The following AHRR variants were observed in gnomAD, a reference collection of about 807,000 sequenced individuals.
AHRR encodes the protein aryl hydrocarbon receptor repressor.
Under a neutral mutation model 44.0 loss-of-function variants are expected in AHRR, and 28 were observed. The ratio of observed to expected loss-of-function variants is 0.64; its 90% CI spans 0.47 to 0.87. The LOEUF (loss-of-function observed/expected upper bound fraction) is 0.87. Among genes scored for constraint, AHRR ranks in the 40% least tolerant of loss-of-function variants. The pLI is 0.00. For synonymous variants in AHRR, 434 were observed against 407.0 expected (o/e 1.07, Z -0.80); for missense variants, 990 against 953.9 (o/e 1.04, Z -0.50).
rs1734223615 is a variant in AHRR at position 387,653 on chromosome 5, T to TAGAA, written c.351+10937_351+10938insAGAA. Among the ~76,000 whole-genome samples the TAGAA allele has an allele frequency of 6.6e-6, 1 of 152,260 alleles. No individual in the cohort carries two copies. Among genetic ancestry groups the TAGAA allele is most frequent in the Non-Finnish European group, 1.5e-5 (1 of 68,032 alleles). The stretch of plus-strand genomic sequence containing the variant: ...CCTCCTCAGCCTCTTCTGTGGCTTC[T>TAGAA]GACAGCAGCAGTGGTAATACCGGTA... On this transcript the variant is annotated intron_variant, in intron 4 of 10. Coordinates refer to ENST00000684583, the MANE Select transcript of AHRR (RefSeq NM_001377236.1). This position sits in a 1 kb window ranked among gnomAD's most constrained non-coding sequence, Gnocchi z 5.1.
At chr5:371,301 C>T (rs1579633422) in intron 3 of AHRR, among the ~76,000 whole-genome samples, 1 of 152,188 alleles carries the variant, frequency 6.6e-6, no homozygotes, top group African/African-American at 2.4e-5. Flanking sequence ...GATGTTTAAT[C>T]GCAGCACCCA....
chr5:410,403 G>T (rs1396875986), intron 4 of AHRR, among the ~76,000 whole-genome samples: 1 of 152,000 alleles, frequency 6.6e-6, no homozygotes, highest in Non-Finnish European at 1.5e-5. Context: ...GTAGAGACGG[G>T]GTCTCACTAT....
At chr5:390,960 C>A (rs1438678303) in intron 4 of AHRR, among the ~76,000 whole-genome samples, 1 of 152,172 alleles carries the variant, frequency 6.6e-6, no homozygotes, top group Non-Finnish European at 1.5e-5. Flanking sequence ...CCACCAGAAC[C>A]AGCCACAGAA....
At position 427,946 on chromosome 5, in the gene AHRR, T is replaced by C. The variant is rs1327065392; in HGVS notation, c.848T>C (p.Met283Thr). 2.5e-6 allele frequency: 4 copies of C among 1,613,826 alleles called. No individual in the cohort carries two copies. The African/African-American group carries it at 4.0e-5, about 16-fold the overall frequency. Residue 283 changes from methionine (M) to threonine (T), a missense_variant, in exon 8 of 11, where the codon ATG becomes ACG. Physicochemically the swap from Met to Thr is moderately conservative, Grantham distance 81 (BLOSUM62 -1). Transcript: ENST00000684583. ...VLLPSAAEMK[M>T]RSALLRAKPR... ...CTCCCCTCCGCAGCGGAGATGAAAA[T>C]GAGGAGCGCGCTCCTGAGGGCAAAA...
intron 3 of AHRR, chr5:367,869 C>T (rs1004200264): frequency 5.7e-5 from 40 of 702,544 alleles, no homozygotes; most frequent in Non-Finnish European, 4.4e-5. Flanking sequence ...AACGAAGGCC[C>T]ATGTCGTTCA....
chr5:330,609 A>G (rs1741874894), intron 1 of AHRR, among the ~76,000 whole-genome samples: 1 of 152,110 alleles, frequency 6.6e-6, no homozygotes, highest in Admixed American at 6.5e-5. Flanking sequence ...CCTGGCCTCA[A>G]GTGATCCACC....
chr5:324,057 C>CTCTCTCTT (rs1741614065), intron 1 of AHRR, among the ~76,000 whole-genome samples: 1 of 146,262 alleles, frequency 6.8e-6, no homozygotes, highest in African/African-American at 2.8e-5. Context: ...CTCTCTCTCT[C>CTCTCTCTT]TCTTTCTTTC....
At position 366,685 on chromosome 5, in the gene AHRR, A is replaced by G. The variant is rs147195249; in HGVS notation, c.245-9925A>G. Among the ~76,000 whole-genome samples, 154 of 152,302 alleles carry G rather than the reference A, an allele frequency of 1.0e-3. 1 individual carries two copies. In the East Asian group the frequency reaches 0.026, roughly 26 times the overall value. On this transcript the variant is annotated intron_variant, in intron 3 of 10. Coordinates refer to ENST00000684583, the MANE Select transcript of AHRR (RefSeq NM_001377236.1). The stretch of plus-strand genomic sequence containing the variant: ...AGCCCAGCATTCACTGTCCTAAGTG[A>G]TCGATCTTACCCGCCAATAGTGGAA...
At chr5:376,318 C>T (rs1023265255) in intron 3 of AHRR, among the ~76,000 whole-genome samples, 2 of 152,136 alleles carry the variant, frequency 1.3e-5, no homozygotes, top group East Asian at 1.9e-4. Flanking sequence ...GCAGTTTCTG[C>T]AGAGCAGAGC....
chr5:341,317 A>C (rs960746180), intron 1 of AHRR, among the ~76,000 whole-genome samples: 2 of 152,108 alleles, frequency 1.3e-5, no homozygotes, highest in Non-Finnish European at 2.9e-5. Flanking sequence ...GCCTGGCCTC[A>C]GCTCTATAAT....
intron 6 of AHRR, among the ~76,000 whole-genome samples, chr5:423,392 T>C (rs1251357346): frequency 6.6e-6 from 1 of 152,142 alleles, no homozygotes; most frequent in Non-Finnish European, 1.5e-5. Context: ...AGGCGGGGGC[T>C]GTGCTGGGAC....
At chr5:330,210 C>T (rs1009507188) in intron 1 of AHRR, among the ~76,000 whole-genome samples, 7 of 152,098 alleles carry the variant, frequency 4.6e-5, no homozygotes, top group Non-Finnish European at 7.4e-5. Context: ...TTTTCTGCAT[C>T]TATTGAGTTG....
At chr5:348,790 T>C (rs1742764124) in intron 2 of AHRR, among the ~76,000 whole-genome samples, 1 of 152,240 alleles carries the variant, frequency 6.6e-6, no homozygotes. Context: ...CTGTTACAAA[T>C]AAAGCTACCA....
chr5:381,429 AGAGGC>A (rs1733976176), intron 4 of AHRR, among the ~76,000 whole-genome samples: 1 of 151,568 alleles, frequency 6.6e-6, no homozygotes, highest in South Asian at 2.1e-4. Flanking sequence ...GAGTGGTCAA[AGAGGC>A]TATCTGCCTT....
rs756627686 is a variant in AHRR at position 433,981 on chromosome 5, C to G, written c.1241C>G (p.Pro414Arg). ...AAGCACAGTGAGGATGGTGCCAGGC[C>G]GAGGCTGCAGCCCAGCAAGAATGAC... ...AGKHSEDGARPRLQPSKNDPP... is the reference protein window; with the variant it reads ...AGKHSEDGARRRLQPSKNDPP... The change falls in exon 11 of 11, where the codon CCG (proline) becomes CGG (arginine). Residue 414 changes from proline (P) to arginine (R), a missense_variant. Transcript: ENST00000684583. 1 of 1,569,488 alleles carries G rather than the reference C, an allele frequency of 6.4e-7. No homozygotes were observed. The highest frequency in any genetic ancestry group is 1.2e-5 in the South Asian group (1 of 82,482).
intron 4 of AHRR, among the ~76,000 whole-genome samples, chr5:390,735 G>C (rs561485175): frequency 6.6e-6 from 1 of 152,198 alleles, no homozygotes; most frequent in African/African-American, 2.4e-5. Context: ...ATCTCTGTGA[G>C]ATTCCACACC....
At chr5:367,932 G>C (rs1341809754) in intron 3 of AHRR, 1 of 702,614 alleles carries the variant, frequency 1.4e-6, no homozygotes, top group Non-Finnish European at 2.6e-6. Flanking sequence ...AGTTCGGTCT[G>C]CATCTGTTGA....
chr5:424,241 T>C (rs1336036971), intron 7 of AHRR, among the ~76,000 whole-genome samples: 1 of 98,178 alleles, frequency 1.0e-5, no homozygotes, highest in Non-Finnish European at 2.0e-5. Context: ...GTGTCTCTGG[T>C]GGGGGGGCGA....
chr5:376,529 A>AC, intron 3 of AHRR, 81 bp from the exon 4 acceptor site: 1 of 1,446,802 alleles, frequency 6.9e-7, no homozygotes, highest in Non-Finnish European at 9.3e-7. Context: ...GAACGCGGGG[A>AC]AACACAGGAA....
Sources: gnomAD v4.1 joint callset for allele counts (sites outside exome capture counted in the v4.1 genomes callset) on GRCh38, gnomAD v4.1.1 for gene constraint, Gnocchi (gnomAD v3.1) non-coding constraint, MANE v1.5 for transcripts, NCBI Gene and HGNC (gene_info 2026-07-23, HGNC 2026-07-21) for gene names.